The following LRP1B variants were observed in gnomAD, a reference collection of about 807,000 sequenced individuals.
The protein encoded by LRP1B is low-density lipoprotein receptor-related protein 1B.
A neutral mutation model predicts 556.6 loss-of-function variants in LRP1B; 217 were observed. The ratio of observed to expected loss-of-function variants is 0.39; its 90% CI spans 0.35 to 0.44. The LOEUF (loss-of-function observed/expected upper bound fraction) is 0.44. Ranked by LOEUF, LRP1B falls within the 20% of genes least tolerant of loss-of-function variation. The probability of loss-of-function intolerance (pLI) is 1.00; values close to 1 mark genes in which losing one functional copy is unlikely to be tolerated. For synonymous variants in LRP1B, 2,047 were observed against 1,865.8 expected (o/e 1.10, Z -2.50); for missense variants, 5,053 against 5,620.8 (o/e 0.90, Z 3.23).
At chr2:141,321,978 A>G (rs1006057573) in intron 3 of LRP1B, among the ~76,000 whole-genome samples, 3 of 152,060 alleles carry the variant, frequency 2.0e-5, no homozygotes, top group Admixed American at 1.3e-4. Context: ...AATGAAGCCA[A>G]TTTACCTCTT....
intron 75 of LRP1B, among the ~76,000 whole-genome samples, chr2:140,353,971 T>C (rs778794914): frequency 2.9e-4 from 44 of 152,140 alleles, no homozygotes; most frequent in Admixed American, 4.6e-4. Context: ...ATCACTAGCA[T>C]AAATAAATAA....
chr2:140,726,308 T>C (rs748596129), intron 35 of LRP1B, among the ~76,000 whole-genome samples: 1 of 152,148 alleles, frequency 6.6e-6, no homozygotes, highest in Non-Finnish European at 1.5e-5. Context: ...GAGGGAAGTC[T>C]TTAACTTGCT....
chr2:140,702,439 G>A lies in LRP1B; in HGVS notation c.6138C>T (p.Ser2046=), dbSNP rs1169038414. 2.5e-6 allele frequency: 4 copies of A among 1,613,500 alleles called. No homozygotes were observed. Among genetic ancestry groups the A allele is most frequent in the Non-Finnish European group, 3.4e-6 (4 of 1,179,668 alleles). The change falls in exon 38 of 91, where the codon TCC becomes TCT. Residue 2046 remains serine, a synonymous_variant. Transcript: ENST00000389484. ...SMGIAWPNGI[S]IDYEENKLYW... Reference sequence around the variant, plus strand: ...AAATCCAACAGACCTCATAGTCGATGGAGATGCCATTCGGCCATGCTATTC... The same window carrying A: ...AAATCCAACAGACCTCATAGTCGATAGAGATGCCATTCGGCCATGCTATTC...
intron 67 of LRP1B, among the ~76,000 whole-genome samples, chr2:140,384,287 G>A (rs34468781): frequency 0.13 from 19,991 of 152,096 alleles, 1,387 homozygotes; most frequent in African/African-American, 0.17. Context: ...AGATATTTGT[G>A]CACTTAAGTT....
chr2:141,696,344 T>C (rs1421509233), intron 2 of LRP1B, among the ~76,000 whole-genome samples: 3 of 151,972 alleles, frequency 2.0e-5, no homozygotes, highest in African/African-American at 7.2e-5. Flanking sequence ...AATCATCAAA[T>C]AATCATGCTG....
At chr2:140,811,191 G>T (rs1470344802) in intron 32 of LRP1B, among the ~76,000 whole-genome samples, 2 of 152,194 alleles carry the variant, frequency 1.3e-5, no homozygotes, top group African/African-American at 4.8e-5. Context: ...CTACAAAGCT[G>T]ATGTCATAAC....
chr2:141,898,720 G>A (rs1236869983), intron 1 of LRP1B, among the ~76,000 whole-genome samples: 1 of 152,100 alleles, frequency 6.6e-6, no homozygotes, highest in Non-Finnish European at 1.5e-5. Flanking sequence ...ATGCCAGCAG[G>A]AAGTAAATTT....
chr2:141,339,283 T>C (rs1559015622), intron 3 of LRP1B, among the ~76,000 whole-genome samples: 1 of 142,552 alleles, frequency 7.0e-6, no homozygotes, highest in African/African-American at 2.6e-5. Context: ...GTCATCTCAC[T>C]ACTGCTTGGG....
chr2:141,958,676 A>C (rs1701328429), intron 1 of LRP1B, among the ~76,000 whole-genome samples: 1 of 151,620 alleles, frequency 6.6e-6, no homozygotes, highest in Admixed American at 6.6e-5. Context: ...AATCAGAATA[A>C]AGTGAAAAGC....
At chr2:140,613,855 T>G (rs533510818) in intron 41 of LRP1B, among the ~76,000 whole-genome samples, 2 of 152,180 alleles carry the variant, frequency 1.3e-5, no homozygotes, top group South Asian at 2.1e-4. Context: ...TTTATAGTAT[T>G]TATTCAAAAG....
chr2:141,929,427 C>A (rs1024122196), intron 1 of LRP1B, among the ~76,000 whole-genome samples: 1 of 151,866 alleles, frequency 6.6e-6, no homozygotes, highest in African/African-American at 2.4e-5. Context: ...GTGGAGAAGT[C>A]AATCACATAT....
intron 43 of LRP1B, among the ~76,000 whole-genome samples, chr2:140,576,121 A>T (rs1468430075): frequency 3.9e-5 from 6 of 152,144 alleles, no homozygotes; most frequent in African/African-American, 1.4e-4. Context: ...AAGACGATCC[A>T]TGGAAATGCT....
intron 2 of LRP1B, among the ~76,000 whole-genome samples, chr2:141,669,285 G>A (rs1690572324): frequency 6.6e-6 from 1 of 152,136 alleles, no homozygotes; most frequent in African/African-American, 2.4e-5. Flanking sequence ...ACAAAGCGAA[G>A]ACAAAGCAAA....
chr2:141,976,260 A>G (rs1212891276), intron 1 of LRP1B, among the ~76,000 whole-genome samples: 1 of 152,186 alleles, frequency 6.6e-6, no homozygotes. Flanking sequence ...ACTAAAGAAC[A>G]TCAAATTTTG....
intron 43 of LRP1B, among the ~76,000 whole-genome samples, chr2:140,565,853 G>A (rs947631896): frequency 1.3e-5 from 2 of 152,068 alleles, no homozygotes; most frequent in Non-Finnish European, 2.9e-5. Context: ...TCCCAGTGGG[G>A]AAAAGGTAAA....
At chr2:142,040,810 A>AT (rs539174712) in intron 1 of LRP1B, among the ~76,000 whole-genome samples, 31 of 148,772 alleles carry the variant, frequency 2.1e-4, no homozygotes, top group East Asian at 7.9e-4. Context: ...AGGTAAACCT[A>AT]TTTTTTTTTT....
chr2:141,727,692 A>C (rs1187011042), intron 2 of LRP1B, among the ~76,000 whole-genome samples: 1 of 152,112 alleles, frequency 6.6e-6, no homozygotes, highest in East Asian at 1.9e-4. Context: ...CACAGCCAAT[A>C]TTCATATATC....
intron 7 of LRP1B, among the ~76,000 whole-genome samples, chr2:141,081,500 A>C (rs1699921808): frequency 6.6e-6 from 1 of 152,158 alleles, no homozygotes; most frequent in Non-Finnish European, 1.5e-5. Context: ...TTCTTGCAAG[A>C]CTTTCTAAGT....
At chr2:140,612,738 A>G (rs1356290048) in intron 41 of LRP1B, among the ~76,000 whole-genome samples, 2 of 152,174 alleles carry the variant, frequency 1.3e-5, no homozygotes. Context: ...ACAATGAACA[A>G]CAAAGTCAAC....
Sources: allele counts gnomAD v4.1 joint callset (sites outside exome capture counted in the v4.1 genomes callset), GRCh38; gene constraint gnomAD v4.1.1; transcripts MANE v1.5; gene names NCBI Gene and HGNC (gene_info 2026-07-23, HGNC 2026-07-21).